AKAP13: variants seen among roughly 807,000 people sequenced by gnomAD.
AKAP13 encodes A-kinase anchor protein 13.
A neutral mutation model predicts 264.5 loss-of-function variants in AKAP13; 80 were observed. That is an observed-to-expected ratio of 0.30 (90% CI 0.25 to 0.36). The LOEUF is 0.36. AKAP13 is among the 10% of genes least tolerant of loss of function. The probability of loss-of-function intolerance (pLI) is 1.00; values close to 1 mark genes in which losing one functional copy is unlikely to be tolerated. For missense variants in AKAP13, 3,712 were observed against 3,435.2 expected (o/e 1.08, Z -2.01); for synonymous variants, 1,380 against 1,250.2 (o/e 1.10, Z -2.19).
chr15:85,730,591 G>A lies in AKAP13; in HGVS notation c.7166G>A (p.Cys2389Tyr). Residue 2389 changes from cysteine to tyrosine, a missense_variant, in exon 30 of 37, where the codon TGC becomes TAC. Cys to Tyr is a radical substitution (Grantham distance 194). This residue lies in a region of AKAP13 where 342 missense variants were observed against 484.3 expected (regional missense o/e 0.71). Transcript: ENST00000394518. ...ATGATTTTCCGGGACATGGCTGAGT[G>A]CAGCACCCCTCTCCCAGAGGATTGC... ...KEMIFRDMAECSTPLPEDCSP... is the reference protein window; with the variant it reads ...KEMIFRDMAEYSTPLPEDCSP... 7 of 1,614,114 alleles carry A rather than the reference G, an allele frequency of 4.3e-6. No homozygotes were observed. The highest frequency in any genetic ancestry group is 5.1e-6 in the Non-Finnish European group (6 of 1,180,012).
chr15:85,529,061 G>T (rs190656955), intron 3 of AKAP13, among the ~76,000 whole-genome samples: 1 of 152,268 alleles, frequency 6.6e-6, no homozygotes, highest in Non-Finnish European at 1.5e-5. Flanking sequence ...GTTAGATTGT[G>T]GTTATTATAT....
chr15:85,431,535 T>C (rs1279767598), intron 1 of AKAP13, among the ~76,000 whole-genome samples: 1 of 152,140 alleles, frequency 6.6e-6, no homozygotes, highest in Non-Finnish European at 1.5e-5. Context: ...CTTGAGTTAA[T>C]AGGAAAATCA....
At chr15:85,610,370 C>A (rs187180217) in intron 8 of AKAP13, among the ~76,000 whole-genome samples, 90 of 152,282 alleles carry the variant, frequency 5.9e-4, no homozygotes, top group African/African-American at 1.5e-3. Flanking sequence ...CTATATGAAA[C>A]CTTTGTTCAT....
chr15:85,579,695 C>T lies in AKAP13; in HGVS notation c.1627C>T (p.Leu543=). Residue 543 remains leucine, a synonymous_variant, in exon 7 of 37, where the codon CTG becomes TTG. Coordinates refer to ENST00000394518, the MANE Select transcript of AKAP13 (RefSeq NM_007200.5). ...VPNCAPAASS[L]DGNKPAESSL... ...AAACTGTGCCCCTGCTGCCAGTTCC[C>T]TGGATGGTAACAAACCTGCTGAGTC... is the stretch of plus-strand genomic sequence containing the variant. 1 of 1,614,202 alleles carries T rather than the reference C, an allele frequency of 6.2e-7. No homozygotes were observed. Among genetic ancestry groups the T allele is most frequent in the South Asian group, 1.1e-5 (1 of 91,086 alleles).
chr15:85,633,839 C>T (rs1035633062), intron 8 of AKAP13, among the ~76,000 whole-genome samples: 1 of 151,724 alleles, frequency 6.6e-6, no homozygotes, highest in African/African-American at 2.4e-5. Context: ...CCACTGCACC[C>T]GGCCTTTTTT....
chr15:85,613,715 A>ATATATATATATAT (rs1421387238), intron 8 of AKAP13, among the ~76,000 whole-genome samples: 28 of 77,100 alleles, frequency 3.6e-4, no homozygotes, highest in South Asian at 9.4e-4. Context: ...TATATATATT[A>ATATATATATATAT]GGAGTGCTGA....
At chr15:85,520,410 A>G (rs1368875697) in intron 2 of AKAP13, among the ~76,000 whole-genome samples, 1 of 148,100 alleles carries the variant, frequency 6.8e-6, no homozygotes, top group African/African-American at 2.5e-5. Flanking sequence ...AGACATGAGG[A>G]TCGCTTGAAC....
intron 14 of AKAP13, 51 bp downstream of exon 14, chr15:85,669,881 C>T: frequency 7.3e-7 from 1 of 1,365,334 alleles, no homozygotes; most frequent in Non-Finnish European, 1.0e-6. Context: ...CTTAACCACT[C>T]TTCCTATTAT....
intron 1 of AKAP13, among the ~76,000 whole-genome samples, chr15:85,458,015 C>T (rs372572897): frequency 6.6e-6 from 1 of 151,998 alleles, no homozygotes; most frequent in Non-Finnish European, 1.5e-5. Flanking sequence ...TGGCGCCCGC[C>T]TGTAATCCCA....
intron 10 of AKAP13, among the ~76,000 whole-genome samples, chr15:85,648,324 C>G (rs408243): frequency 0.63 from 95,115 of 152,136 alleles, 29,866 homozygotes; most frequent in Middle Eastern, 0.71. Context: ...AGAAATACTT[C>G]CTTGCAACCT....
chr15:85,544,384 C>T (rs924095541), intron 5 of AKAP13, among the ~76,000 whole-genome samples: 3 of 152,132 alleles, frequency 2.0e-5, no homozygotes, highest in Non-Finnish European at 2.9e-5. Context: ...CCAGTACTTC[C>T]ATATTATAAT....
intron 5 of AKAP13, among the ~76,000 whole-genome samples, chr15:85,574,174 A>G (rs927182988): frequency 2.0e-5 from 3 of 152,250 alleles, no homozygotes; most frequent in African/African-American, 7.2e-5. Flanking sequence ...TGAATGTAGA[A>G]GAGGGTGCTT....
chr15:85,396,050 A>G (rs545826966), intron 1 of AKAP13, among the ~76,000 whole-genome samples: 3 of 152,190 alleles, frequency 2.0e-5, no homozygotes, highest in Admixed American at 1.3e-4. Context: ...ACACATACAT[A>G]TGCACACATA....
At chr15:85,715,076 CTCT>C (rs1198674154) in intron 19 of AKAP13, among the ~76,000 whole-genome samples, 1 of 152,160 alleles carries the variant, frequency 6.6e-6, no homozygotes, top group East Asian at 1.9e-4. Flanking sequence ...GAGGTAACCA[CTCT>C]TCTTAGTTTT....
At chr15:85,522,360 C>T (rs1233573873) in intron 3 of AKAP13, among the ~76,000 whole-genome samples, 2 of 152,092 alleles carry the variant, frequency 1.3e-5, no homozygotes, top group African/African-American at 2.4e-5. Context: ...TACAAGGAGA[C>T]TGCAAGCAGA....
At position 85,714,275 on chromosome 15, in the gene AKAP13, C is replaced by T. The variant is rs544503600; in HGVS notation, c.5600-1513C>T. Among the ~76,000 whole-genome samples, 5 of 152,256 alleles carry T rather than the reference C, an allele frequency of 3.3e-5. No individual in the cohort carries two copies. In the South Asian group the frequency reaches 8.3e-4, roughly 25 times the overall value. On this transcript the variant is annotated intron_variant, in intron 19 of 36. Coordinates refer to ENST00000394518, the MANE Select transcript of AKAP13 (RefSeq NM_007200.5). The stretch of plus-strand genomic sequence containing the variant: ...TCATCATAAAGGTCTTCATCCTTGT[C>T]GTTTTCACATTGAGTAGACCAAGAA...
intron 5 of AKAP13, among the ~76,000 whole-genome samples, chr15:85,572,015 A>T (rs1327372303): frequency 6.6e-6 from 1 of 152,212 alleles, no homozygotes; most frequent in African/African-American, 2.4e-5. Context: ...GGTAGAAGGT[A>T]AGTAGGCTGT....
At position 85,732,060 on chromosome 15, in the gene AKAP13, G is replaced by A. The variant is rs189359678; in HGVS notation, c.7282+1353G>A. On this transcript the variant is annotated intron_variant, in intron 30 of 36. Coordinates refer to ENST00000394518, the MANE Select transcript of AKAP13 (RefSeq NM_007200.5). ...ATCGTATCACTGCCCTCCAGATTGG[G>A]CAACAGAGCGAGACTATCTCAAAAA... Among the ~76,000 whole-genome samples, 182 of 144,260 alleles carry A rather than the reference G, an allele frequency of 1.3e-3. 1 individual carries two copies. The highest frequency in any genetic ancestry group is 8.5e-3 in the Admixed American group (120 of 14,198). The allele number at this position is 144,260 out of a possible 152,430, so 94.6% of individuals were successfully genotyped here. A position where few individuals can be genotyped will look rare whatever the true frequency, so the allele number is the denominator to read the frequency against.
rs185925935 is a variant in AKAP13 at position 85,493,982 on chromosome 15, A to G, written c.33+8229A>G. ...GCTCTCTGTTGACATTAGCCCTTTC[A>G]CCTATATTCAAGGGTACACCTTGCG... On this transcript the variant is annotated intron_variant, in intron 2 of 36. Transcript: ENST00000394518. Among the ~76,000 whole-genome samples, 25 of 151,528 alleles carry G rather than the reference A, an allele frequency of 1.6e-4. No homozygotes were observed. In the East Asian group the frequency reaches 1.9e-3, roughly 12 times the overall value.
Sources: allele counts gnomAD v4.1 joint callset (sites outside exome capture counted in the v4.1 genomes callset), GRCh38; gene constraint gnomAD v4.1.1; regional missense constraint gnomAD v4.1.1; transcripts MANE v1.5; gene names NCBI Gene and HGNC (gene_info 2026-07-23, HGNC 2026-07-21).